CCDC150: variants seen among roughly 807,000 people sequenced by gnomAD.
CCDC150 encodes coiled-coil domain-containing protein 150.
Under a neutral mutation model 156.5 loss-of-function variants are expected in CCDC150, and 151 were observed. The observed-to-expected ratio is 0.97, with a 90% CI of 0.85 to 1.10. The LOEUF (loss-of-function observed/expected upper bound fraction) is 1.10. Ranked by LOEUF, CCDC150 falls within the 50% of genes least tolerant of loss-of-function variation. The probability of loss-of-function intolerance (pLI) is 0.00; values close to 1 mark genes in which losing one functional copy is unlikely to be tolerated. For synonymous variants in CCDC150, 452 were observed against 429.4 expected, an observed-to-expected ratio of 1.05 and a Z score of -0.65; for missense variants, 1,312 against 1,268.1, an observed-to-expected ratio of 1.03 and a Z score of -0.53.
At chr2:196,687,181 C>T (rs1413122563) in intron 13 of CCDC150, among the ~76,000 whole-genome samples, 3 of 152,142 alleles carry the variant, frequency 2.0e-5, no homozygotes, top group Non-Finnish European at 2.9e-5. Flanking sequence ...TTTGAGGAAT[C>T]GCCACACTGT....
At chr2:196,677,414 G>T in intron 13 of CCDC150, 53 bp downstream of exon 13, 1 of 1,150,962 alleles carries the variant, frequency 8.7e-7, no homozygotes, top group South Asian at 1.3e-5. Context: ...CTGTATTGCT[G>T]ACTACCGTAT....
chr2:196,690,244 AG>A (rs1031032426), intron 13 of CCDC150, among the ~76,000 whole-genome samples: 3 of 124,688 alleles, frequency 2.4e-5, no homozygotes, highest in Non-Finnish European at 5.0e-5. Flanking sequence ...GGGAGGGAGG[AG>A]GGGGGAGGGA....
chr2:196,694,535 A>G (rs1488285961), intron 13 of CCDC150, among the ~76,000 whole-genome samples: 1 of 152,146 alleles, frequency 6.6e-6, no homozygotes, highest in Non-Finnish European at 1.5e-5. Context: ...AAAATGTTAG[A>G]CCCACAAACC....
chr2:196,688,472 C>T (rs1695246253), intron 13 of CCDC150, among the ~76,000 whole-genome samples: 4 of 152,284 alleles, frequency 2.6e-5, no homozygotes, highest in South Asian at 4.1e-4. Flanking sequence ...GCTGAAGTTG[C>T]TTATCAGCTT....
intron 19 of CCDC150, 77 bp downstream of exon 19, chr2:196,719,743 T>C: frequency 9.9e-7 from 1 of 1,011,062 alleles, no homozygotes; most frequent in Non-Finnish European, 1.3e-6. Flanking sequence ...ATAAATGAAG[T>C]CACTTTATGT....
chr2:196,695,471 G>GGATT (rs1220316726), intron 14 of CCDC150, among the ~76,000 whole-genome samples: 5 of 152,022 alleles, frequency 3.3e-5, no homozygotes, highest in Non-Finnish European at 7.4e-5. Flanking sequence ...TCCTCCATTA[G>GGATT]GCAATCAGTA....
intron 18 of CCDC150, among the ~76,000 whole-genome samples, 153 bp downstream of exon 18, chr2:196,718,784 G>T (rs1213700625): frequency 1.3e-5 from 2 of 151,864 alleles, no homozygotes; most frequent in Non-Finnish European, 2.9e-5. Context: ...TTTTAGAATA[G>T]TTTAAAATTT....
intron 22 of CCDC150, 40 bp downstream of exon 22, chr2:196,726,139 C>G: frequency 6.2e-7 from 1 of 1,606,272 alleles, no homozygotes; most frequent in Non-Finnish European, 8.5e-7. Flanking sequence ...GTGAATGCCT[C>G]TTAGGATAAG....
intron 13 of CCDC150, among the ~76,000 whole-genome samples, 178 bp from the exon 14 acceptor site, chr2:196,694,868 G>A (rs1695719578): frequency 6.6e-6 from 1 of 151,926 alleles, no homozygotes; most frequent in Non-Finnish European, 1.5e-5. Flanking sequence ...TCTCAAAAAA[G>A]TAAAAAATAA....
chr2:196,669,390 T>A (rs1352565955), intron 7 of CCDC150, among the ~76,000 whole-genome samples: 1 of 152,204 alleles, frequency 6.6e-6, no homozygotes, highest in African/African-American at 2.4e-5. Flanking sequence ...CAGTAAGCCA[T>A]CAAGTCCAAA....
At chr2:196,667,710 C>T (rs966355111) in intron 7 of CCDC150, 1 of 152,144 alleles carries the variant, frequency 6.6e-6, no homozygotes, top group African/African-American at 2.4e-5. Context: ...TGCTCTATGG[C>T]TGCTGTAATG....
rs767414792 is a variant in CCDC150 at position 196,677,367 on chromosome 2, C to A, written c.1509+6C>A. On this transcript the variant is annotated splice_donor_region_variant and intron_variant, in intron 13 of 27. Coordinates refer to ENST00000389175, the MANE Select transcript of CCDC150 (RefSeq NM_001080539.2). Reference sequence around the variant, plus strand: ...AGGAATTAGCTAAAAACAAGGTATTCTTCATTTTACTTACTGATATTTCAC... The same window carrying A: ...AGGAATTAGCTAAAAACAAGGTATTATTCATTTTACTTACTGATATTTCAC... The A allele has an allele frequency of 1.1e-5, 17 of 1,483,466 alleles. No individual in the cohort carries two copies. In the East Asian group the frequency reaches 2.4e-4, roughly 21 times the overall value. 91.9% of individuals were successfully genotyped at this position (1,483,466 alleles called of 1,614,324 possible).
intron 8 of CCDC150, among the ~76,000 whole-genome samples, chr2:196,672,090 AT>A (rs1315978984): frequency 3.3e-5 from 5 of 152,196 alleles, no homozygotes; most frequent in African/African-American, 4.8e-5. Context: ...GATTTTGGCC[AT>A]TGTAATAGGT....
At chr2:196,651,539 T>C (rs1692874674) in intron 2 of CCDC150, among the ~76,000 whole-genome samples, 1 of 152,230 alleles carries the variant, frequency 6.6e-6, no homozygotes, top group Non-Finnish European at 1.5e-5. Flanking sequence ...ATAGCATTGC[T>C]GAGATAGTAT....
Position 196,729,350 on chromosome 2 carries a change from C to G in CCDC150, c.2714C>G (p.Ala905Gly). 1 of 1,613,758 alleles carries G rather than the reference C, an allele frequency of 6.2e-7. No individual in the cohort carries two copies. Among genetic ancestry groups the G allele is most frequent in the Non-Finnish European group, 8.5e-7 (1 of 1,179,796 alleles). ...QKTQIKLHLS[A>G]KANNAQNIER... ...ACCCAAATTAAGCTCCACTTGTCAG[C>G]TAAGGCGAATAATGCTCAGAATATA... Residue 905 changes from alanine (A) to glycine (G), a missense_variant, in exon 23 of 28, where the codon GCT (alanine) becomes GGT (glycine). By Grantham distance (60) the Ala-to-Gly change is moderately conservative. Coordinates refer to ENST00000389175, the MANE Select transcript of CCDC150 (RefSeq NM_001080539.2).
chr2:196,643,300 C>T (rs1692346371), intron 1 of CCDC150, among the ~76,000 whole-genome samples: 1 of 152,176 alleles, frequency 6.6e-6, no homozygotes, highest in East Asian at 1.9e-4. Flanking sequence ...GTTGGTTGCT[C>T]CTTTTTGAAA....
intron 22 of CCDC150, chr2:196,726,535 A>G (rs1351041003): frequency 6.4e-6 from 1 of 156,870 alleles, no homozygotes; most frequent in African/African-American, 2.4e-5. Context: ...AATGAGATAT[A>G]TAGGGAAAAC....
At chr2:196,684,842 A>T in intron 13 of CCDC150, among the ~76,000 whole-genome samples, 1 of 152,086 alleles carries the variant, frequency 6.6e-6, no homozygotes, top group South Asian at 2.1e-4. Flanking sequence ...TTTGTCTAAT[A>T]TTAGTACAAT....
At chr2:196,722,988 T>C (rs1698010848) in intron 21 of CCDC150, among the ~76,000 whole-genome samples, 1 of 152,202 alleles carries the variant, frequency 6.6e-6, no homozygotes, top group African/African-American at 2.4e-5. Context: ...CTTATGATAA[T>C]AGTTTGTATT....
Sources: gnomAD v4.1 joint callset for allele counts (sites outside exome capture counted in the v4.1 genomes callset) on GRCh38, gnomAD v4.1.1 for gene constraint, MANE v1.5 for transcripts, NCBI Gene and HGNC (gene_info 2026-07-23, HGNC 2026-07-21) for gene names.